Variants in RBFOX1 observed in about 807,000 individuals in gnomAD.
The protein encoded by RBFOX1 is RNA binding fox-1 homolog 1.
In RBFOX1, 8 loss-of-function variants were observed where a neutral mutation model predicts 57.7. The observed-to-expected ratio is 0.14, with a 90% CI of 0.08 to 0.25. The LOEUF is 0.25. Among genes scored for constraint, RBFOX1 ranks in the 10% least tolerant of loss-of-function variants. The pLI is 1.00. For synonymous variants in RBFOX1, 326 were observed against 222.4 expected (o/e 1.47, Z -4.15); for missense variants, 611 against 548.5 (o/e 1.11, Z -1.14).
At chr16:5,566,137 A>G (rs1367863210) in intron 2 of RBFOX1, among the ~76,000 whole-genome samples, 1 of 151,902 alleles carries the variant, frequency 6.6e-6, no homozygotes, top group African/African-American at 2.4e-5. Flanking sequence ...TTTTTTCTTT[A>G]TAATTTACCC....
At chr16:5,570,196 C>T (rs1231347468) in intron 2 of RBFOX1, among the ~76,000 whole-genome samples, 3 of 151,916 alleles carry the variant, frequency 2.0e-5, no homozygotes, top group Non-Finnish European at 4.4e-5. Context: ...TTTTCCTCTT[C>T]TAACTCAAAG....
chr16:6,279,093 C>T (rs1010101323), intron 1 of RBFOX1, among the ~76,000 whole-genome samples: 9 of 151,998 alleles, frequency 5.9e-5, no homozygotes, highest in African/African-American at 2.2e-4. Flanking sequence ...TTTTATACCA[C>T]CTCTCACTTA....
intron 3 of RBFOX1, among the ~76,000 whole-genome samples, chr16:5,834,284 A>G (rs2056379573): frequency 6.6e-6 from 1 of 152,098 alleles, no homozygotes; most frequent in Non-Finnish European, 1.5e-5. Context: ...TCCAATGTCC[A>G]CCATACCACT....
rs75796720 is a variant in RBFOX1, at chr16:6,781,463, C to T, written c.-16+126813C>T. ...TGTAGAATGAGTTTGGAAGTATTGTCTACTCCTTGATTTTTTAGAATAGTT... is the reference window on the plus strand; with the variant it reads ...TGTAGAATGAGTTTGGAAGTATTGTTTACTCCTTGATTTTTTAGAATAGTT... On this transcript the variant is annotated intron_variant, in intron 3 of 15. Transcript: ENST00000550418. Among the ~76,000 whole-genome samples, 663 of 152,188 alleles carry T rather than the reference C, an allele frequency of 4.4e-3. 4 individuals are homozygous for T. The highest frequency in any genetic ancestry group is 0.016 in the African/African-American group (644 of 41,522).
At chr16:5,881,338 T>G (rs748259258) in intron 4 of RBFOX1, among the ~76,000 whole-genome samples, 14 of 152,192 alleles carry the variant, frequency 9.2e-5, no homozygotes, top group Non-Finnish European at 1.9e-4. Flanking sequence ...CAGTGCCTGG[T>G]TTTAACCTGT....
chr16:7,454,203 A>T (rs1230130220), intron 4 of RBFOX1, among the ~76,000 whole-genome samples: 1 of 152,236 alleles, frequency 6.6e-6, no homozygotes, highest in East Asian at 1.9e-4. Flanking sequence ...ACGGCACTCC[A>T]GCCTGGGCAG....
At chr16:6,256,483 G>C (rs1211987272) in intron 1 of RBFOX1, among the ~76,000 whole-genome samples, 2 of 151,334 alleles carry the variant, frequency 1.3e-5, no homozygotes, top group African/African-American at 4.9e-5. Context: ...AATCAGAGAA[G>C]TTGATGAGAC....
rs142318510 is a variant in RBFOX1 at position 6,064,730 on chromosome 16, C to T, written c.-127+44738C>T. On this transcript the variant is annotated intron_variant, in intron 1 of 15. Coordinates refer to ENST00000550418, the MANE Select transcript of RBFOX1 (RefSeq NM_018723.4). ...TAATTTTTTGTATCTTTAGTAGAGACGGGGTTTCACCATATTAGCCAGGAT... is the reference window on the plus strand; with the variant it reads ...TAATTTTTTGTATCTTTAGTAGAGATGGGGTTTCACCATATTAGCCAGGAT... Among the ~76,000 whole-genome samples the T allele has an allele frequency of 4.6e-3, 694 of 151,888 alleles. 6 individuals are homozygous for T. The highest frequency in any genetic ancestry group is 0.015 in the African/African-American group (611 of 41,424).
chr16:5,268,472 A>G (rs1363467364), intron 1 of RBFOX1, among the ~76,000 whole-genome samples: 2 of 152,254 alleles, frequency 1.3e-5, no homozygotes, highest in African/African-American at 2.4e-5. Flanking sequence ...TACAGTCAAG[A>G]TTATACGTGC....
rs150694052 is a variant in RBFOX1, at chr16:5,258,869, T to C, written c.219+18764T>C. ...AGGTGGAAGTTGCAGTGAGCTAAGATTGCACCACTGCACACCAGCCTGGGT... is the reference window on the plus strand; with the variant it reads ...AGGTGGAAGTTGCAGTGAGCTAAGACTGCACCACTGCACACCAGCCTGGGT... On this transcript the variant is annotated intron_variant, in intron 1 of 2. Coordinates refer to the RBFOX1 transcript ENST00000585867. Among the ~76,000 whole-genome samples, 308 of 151,972 alleles carry C rather than the reference T, an allele frequency of 2.0e-3. 2 individuals carry two copies. Among genetic ancestry groups the C allele is most frequent in the African/African-American group, 7.1e-3 (296 of 41,452 alleles).
chr16:7,293,786 C>G (rs930665524), intron 4 of RBFOX1, among the ~76,000 whole-genome samples: 1 of 152,034 alleles, frequency 6.6e-6, no homozygotes, highest in South Asian at 2.1e-4. Flanking sequence ...CGTATGATTC[C>G]TTACATCGTT....
intron 4 of RBFOX1, among the ~76,000 whole-genome samples, chr16:7,270,806 A>G (rs965648121): frequency 6.6e-6 from 1 of 152,004 alleles, no homozygotes; most frequent in Non-Finnish European, 1.5e-5. Context: ...TTCCCTATCA[A>G]CTTTCCCCGC....
intron 1 of RBFOX1, among the ~76,000 whole-genome samples, chr16:6,219,738 T>TG (rs1437318426): frequency 6.6e-6 from 1 of 151,854 alleles, no homozygotes; most frequent in Non-Finnish European, 1.5e-5. Context: ...TAGCCAGCTG[T>TG]GGTGTTGGGT....
intron 1 of RBFOX1, among the ~76,000 whole-genome samples, chr16:6,161,629 TG>T (rs762769896): frequency 4.8e-4 from 73 of 152,264 alleles, no homozygotes; most frequent in Middle Eastern, 6.8e-3. Flanking sequence ...AAATGACAAA[TG>T]CCCAACATCA....
At chr16:5,387,938 G>A (rs1038427032) in intron 1 of RBFOX1, among the ~76,000 whole-genome samples, 4 of 152,176 alleles carry the variant, frequency 2.6e-5, no homozygotes, top group African/African-American at 7.2e-5. Flanking sequence ...GAGAAACTCC[G>A]TGGTCTACTT....
chr16:6,028,715 A>G (rs1027655962), intron 1 of RBFOX1, among the ~76,000 whole-genome samples: 1 of 152,078 alleles, frequency 6.6e-6, no homozygotes, highest in Admixed American at 6.6e-5. Context: ...TTGTAGAAAG[A>G]TTTCTCATTT....
intron 3 of RBFOX1, among the ~76,000 whole-genome samples, chr16:6,846,444 G>A (rs994112023): frequency 6.6e-6 from 1 of 152,162 alleles, no homozygotes; most frequent in Admixed American, 6.5e-5. Flanking sequence ...ACTGCACTGT[G>A]TTCTATAAGA....
At chr16:5,306,802 C>T (rs145382906) in intron 1 of RBFOX1, among the ~76,000 whole-genome samples, 1,532 of 152,240 alleles carry the variant, frequency 0.01, 19 homozygotes, top group Admixed American at 0.025. Context: ...CTTGCAGGAC[C>T]GTAAGACAAA....
chr16:5,793,929 A>G (rs1164216793), intron 3 of RBFOX1, among the ~76,000 whole-genome samples: 1 of 152,172 alleles, frequency 6.6e-6, no homozygotes, highest in African/African-American at 2.4e-5. Flanking sequence ...TGAGCCATTT[A>G]AGCTCTCTGT....
Sources: gnomAD v4.1 joint callset for allele counts (sites outside exome capture counted in the v4.1 genomes callset) on GRCh38, gnomAD v4.1.1 for gene constraint, MANE v1.5 for transcripts, NCBI Gene and HGNC (gene_info 2026-07-23, HGNC 2026-07-21) for gene names.